Variants in PCDH9 observed in about 807,000 individuals in gnomAD.
PCDH9 encodes protocadherin-9.
A neutral mutation model predicts 70.6 loss-of-function variants in PCDH9; 24 were observed. That is an observed-to-expected ratio of 0.34 (90% CI 0.25 to 0.48). The LOEUF is 0.48. Among genes scored for constraint, PCDH9 ranks in the 20% least tolerant of loss-of-function variants. The pLI, the probability that PCDH9 is intolerant of heterozygous loss-of-function variation, is 0.99. For synonymous variants in PCDH9, 562 were observed against 558.5 expected, an observed-to-expected ratio of 1.01 and a Z score of -0.09; for missense variants, 1,281 against 1,503.6, an observed-to-expected ratio of 0.85 and a Z score of 2.45.
intron 2 of PCDH9, among the ~76,000 whole-genome samples, chr13:67,169,287 A>C (rs1446862605): frequency 6.6e-6 from 1 of 152,234 alleles, no homozygotes; most frequent in Non-Finnish European, 1.5e-5. Flanking sequence ...ACATCCTAAA[A>C]TCATCTGTTC....
At chr13:66,721,480 A>C (rs2078940798) in intron 3 of PCDH9, among the ~76,000 whole-genome samples, 1 of 152,176 alleles carries the variant, frequency 6.6e-6, no homozygotes, top group Admixed American at 6.5e-5. Context: ...ATATGCTTTG[A>C]AAGGTGCTAA....
intron 4 of PCDH9, among the ~76,000 whole-genome samples, chr13:66,527,100 T>C (rs1327245364): frequency 1.3e-5 from 2 of 152,034 alleles, no homozygotes; most frequent in East Asian, 3.9e-4. Flanking sequence ...CTGCAAAATC[T>C]TTCCATAAAA....
intron 4 of PCDH9, among the ~76,000 whole-genome samples, chr13:66,488,388 G>A (rs1015663825): frequency 2.6e-5 from 4 of 152,176 alleles, no homozygotes; most frequent in South Asian, 2.1e-4. Context: ...GGTTCCAGTT[G>A]AGGGCCAAAT....
chr13:66,853,756 C>T (rs200297726), intron 3 of PCDH9, among the ~76,000 whole-genome samples: 4 of 116,620 alleles, frequency 3.4e-5, no homozygotes, highest in Non-Finnish European at 2.1e-5. Context: ...TTTTTTTTTT[C>T]AGGAGACAGG....
At chr13:67,142,446 A>G (rs939823781) in intron 2 of PCDH9, among the ~76,000 whole-genome samples, 4 of 152,196 alleles carry the variant, frequency 2.6e-5, no homozygotes, top group African/African-American at 4.8e-5. Flanking sequence ...AATCAGCAAT[A>G]GTTTTAATGG....
chr13:67,079,064 C>G (rs945306187), intron 2 of PCDH9, among the ~76,000 whole-genome samples: 3 of 151,870 alleles, frequency 2.0e-5, no homozygotes, highest in African/African-American at 4.8e-5. Flanking sequence ...AATCATAGCA[C>G]TTTGGGAGGC....
At chr13:66,781,107 C>G (rs2079991308) in intron 3 of PCDH9, among the ~76,000 whole-genome samples, 1 of 152,130 alleles carries the variant, frequency 6.6e-6, no homozygotes, top group South Asian at 2.1e-4. Flanking sequence ...ATAGTTATGA[C>G]TTTTCCTGTA....
rs4300510 is a variant in PCDH9 at position 67,084,814 on chromosome 13, A to T, written c.3036+140591T>A. Among the ~76,000 whole-genome samples the T allele has an allele frequency of 7.8e-3, 1,176 of 151,050 alleles. 10 individuals are homozygous for T. The highest frequency in any genetic ancestry group is 0.014 in the Middle Eastern group (4 of 294). ...AAACCCCGTCTCTATTAAAAATATA[A>T]AAATTAGCTGGGCGTGGTGGCGGGC... On this transcript the variant is annotated intron_variant, in intron 2 of 4. Transcript: ENST00000377865.
intron 2 of PCDH9, among the ~76,000 whole-genome samples, chr13:67,091,502 A>G (rs1297519566): frequency 1.3e-5 from 2 of 152,234 alleles, no homozygotes; most frequent in African/African-American, 2.4e-5. Flanking sequence ...TTACTGTTAC[A>G]TGTAGATTTT....
At chr13:66,590,213 G>A (rs1443327942) in intron 4 of PCDH9, among the ~76,000 whole-genome samples, 1 of 151,786 alleles carries the variant, frequency 6.6e-6, no homozygotes, top group Non-Finnish European at 1.5e-5. Context: ...CATTTATATA[G>A]GTTAGTATGA....
intron 3 of PCDH9, among the ~76,000 whole-genome samples, chr13:66,663,916 A>C (rs1032550721): frequency 6.6e-6 from 1 of 152,156 alleles, no homozygotes; most frequent in African/African-American, 2.4e-5. Flanking sequence ...GTGCTCATTC[A>C]AGTGAAGAGT....
At chr13:66,891,363 T>C (rs1813422303) in intron 3 of PCDH9, among the ~76,000 whole-genome samples, 1 of 152,058 alleles carries the variant, frequency 6.6e-6, no homozygotes, top group African/African-American at 2.4e-5. Context: ...TCAGCGGAAA[T>C]GCTTCCTATA....
chr13:66,556,998 G>GTGAGA (rs1961768045), intron 4 of PCDH9, among the ~76,000 whole-genome samples: 1 of 152,116 alleles, frequency 6.6e-6, no homozygotes, highest in Admixed American at 6.6e-5. Flanking sequence ...AATGGCTGAT[G>GTGAGA]TGAGAGCTAA....
intron 2 of PCDH9, among the ~76,000 whole-genome samples, chr13:66,981,059 C>T (rs938172372): frequency 2.6e-5 from 4 of 152,022 alleles, no homozygotes; most frequent in African/African-American, 9.7e-5. Flanking sequence ...CATGTTATAG[C>T]TATTAACAGA....
intron 4 of PCDH9, among the ~76,000 whole-genome samples, chr13:66,526,485 T>C (rs1378698884): frequency 2.7e-5 from 4 of 149,862 alleles, no homozygotes; most frequent in Non-Finnish European, 5.9e-5. Context: ...TGTATTTATG[T>C]TTACTTATAC....
At chr13:66,546,252 T>C (rs1453531628) in intron 4 of PCDH9, among the ~76,000 whole-genome samples, 3 of 151,974 alleles carry the variant, frequency 2.0e-5, no homozygotes, top group South Asian at 4.2e-4. Context: ...ATTGTTATCA[T>C]AGGAGATGAC....
At chr13:67,224,263 T>C (rs1399369045) in intron 2 of PCDH9, 1 of 152,228 alleles carries the variant, frequency 6.6e-6, no homozygotes. Flanking sequence ...TGCTGAGAGC[T>C]AATCACAAAA....
At chr13:66,658,880 T>C (rs1327548609) in intron 3 of PCDH9, among the ~76,000 whole-genome samples, 1 of 152,212 alleles carries the variant, frequency 6.6e-6, no homozygotes, top group Non-Finnish European at 1.5e-5. Flanking sequence ...AAGAGTTTTA[T>C]GTTTTATATC....
chr13:66,545,069 T>C (rs927198689), intron 4 of PCDH9, among the ~76,000 whole-genome samples: 2 of 152,136 alleles, frequency 1.3e-5, no homozygotes, highest in Non-Finnish European at 2.9e-5. Flanking sequence ...CAAGCAAACC[T>C]AGATGTCCTT....
Sources: gnomAD v4.1 joint callset for allele counts (sites outside exome capture counted in the v4.1 genomes callset) on GRCh38, gnomAD v4.1.1 for gene constraint, MANE v1.5 for transcripts, NCBI Gene and HGNC (gene_info 2026-07-23, HGNC 2026-07-21) for gene names.